IRGM: variants seen among roughly 807,000 people sequenced by gnomAD.
The protein encoded by IRGM is immunity-related GTPase family M protein.
For synonymous variants in IRGM, 98 were observed against 80.6 expected (o/e 1.22, Z -1.16); for missense variants, 288 against 219.9 (o/e 1.31, Z -1.96).
chr5:150,886,483 T>C (rs994700559), intron 3 of IRGM, among the ~76,000 whole-genome samples: 5 of 152,058 alleles, frequency 3.3e-5, no homozygotes, highest in East Asian at 3.9e-4. Flanking sequence ...GGTACCAGCT[T>C]TTCATTGTAC....
downstream of IRGM, chr5:150,848,733 G>A (rs1246602659): frequency 1.6e-5 from 19 of 1,213,572 alleles, no homozygotes; most frequent in East Asian, 2.6e-5. Context: ...TTATTTCACT[G>A]GACTCATTGA....
intron 3 of IRGM, among the ~76,000 whole-genome samples, chr5:150,884,957 T>G (rs1754496029): frequency 6.6e-6 from 1 of 152,164 alleles, no homozygotes; most frequent in Non-Finnish European, 1.5e-5. Flanking sequence ...TTGTCATGAT[T>G]GCTTTTGGTG....
chr5:150,868,440 G>T (rs1754236593), intron 1 of IRGM, among the ~76,000 whole-genome samples: 1 of 152,078 alleles, frequency 6.6e-6, no homozygotes, highest in Non-Finnish European at 1.5e-5. Context: ...GCTTAGTATT[G>T]CTTTGGCTGT....
intron 1 of IRGM, among the ~76,000 whole-genome samples, chr5:150,872,712 G>T (rs1754303081): frequency 6.6e-6 from 1 of 152,124 alleles, no homozygotes; most frequent in Admixed American, 6.6e-5. Flanking sequence ...CTAATTGTTG[G>T]TTTGCTTGGT....
intron 3 of IRGM, among the ~76,000 whole-genome samples, chr5:150,887,306 A>G (rs1444710805): frequency 6.6e-6 from 1 of 152,030 alleles, no homozygotes; most frequent in Non-Finnish European, 1.5e-5. Flanking sequence ...ATCACAAGTA[A>G]TAACAACAGA....
intron 1 of IRGM, among the ~76,000 whole-genome samples, chr5:150,865,660 A>G (rs958187966): frequency 6.6e-6 from 1 of 152,240 alleles, no homozygotes; most frequent in African/African-American, 2.4e-5. Flanking sequence ...TCAGCAACCA[A>G]CAAATATTAA....
chr5:150,902,005 A>C (rs1223719811), downstream of IRGM, among the ~76,000 whole-genome samples: 2 of 152,196 alleles, frequency 1.3e-5, no homozygotes, highest in East Asian at 3.8e-4. Context: ...GTACTTCTAC[A>C]TATAAACTGT....
intron 1 of IRGM, among the ~76,000 whole-genome samples, chr5:150,854,248 ATCTT>A (rs1400712714): frequency 6.6e-6 from 1 of 152,082 alleles, no homozygotes; most frequent in Non-Finnish European, 1.5e-5. Flanking sequence ...TCAAAAATCA[ATCTT>A]TATATATGTT....
intron 1 of IRGM, among the ~76,000 whole-genome samples, chr5:150,870,374 T>C (rs978671727): frequency 1.3e-5 from 2 of 152,118 alleles, no homozygotes; most frequent in African/African-American, 2.4e-5. Flanking sequence ...ATATCAGTGC[T>C]TGGTACCAGC....
chr5:150,896,689 A>G, intron 3 of IRGM: 1 of 1,613,520 alleles, frequency 6.2e-7, no homozygotes, highest in Non-Finnish European at 8.5e-7. Context: ...TATTTATGGA[A>G]TCTCTGTATT....
Position 150,846,843 on chromosome 5 carries a change from G to C in IRGM, c.-793G>C, listed in dbSNP as rs1753868249. On this transcript the variant is annotated 5_prime_UTR_variant, in exon 1 of 2. Coordinates refer to ENST00000522154, the MANE Select transcript of IRGM (RefSeq NM_001145805.2). ...CAAACATCAGAAGGAACAAACTCCG[G>C]ACACGCAGCCTTTAAGAATTGTAAC... 1 of 153,198 alleles carries C rather than the reference G, an allele frequency of 6.5e-6. No individual in the cohort carries two copies. The allele number at this position is 153,198 out of a possible 1,614,324, so 9.5% of individuals were successfully genotyped here. A position where few individuals can be genotyped will look rare whatever the true frequency, so the allele number is the denominator to read the frequency against.
chr5:150,896,349 T>C (rs774263988), intron 3 of IRGM: 7 of 1,613,656 alleles, frequency 4.3e-6, no homozygotes, highest in Non-Finnish European at 5.1e-6. Flanking sequence ...ACCACAATCA[T>C]ATGGTTTCTT....
intron 1 of IRGM, among the ~76,000 whole-genome samples, chr5:150,863,051 A>C (rs532728301): frequency 6.6e-6 from 1 of 152,348 alleles, no homozygotes; most frequent in South Asian, 2.1e-4. Context: ...AAAACAGTAG[A>C]GACATGGAAT....
At chr5:150,896,726 A>G (rs142975240) in intron 3 of IRGM, 18 of 1,613,598 alleles carry the variant, frequency 1.1e-5, no homozygotes, top group Non-Finnish European at 1.5e-5. Flanking sequence ...TGCACTCTTG[A>G]AATATTTTCC....
At chr5:150,855,051 A>G (rs1000241179) in intron 1 of IRGM, among the ~76,000 whole-genome samples, 6 of 152,014 alleles carry the variant, frequency 3.9e-5, no homozygotes, top group East Asian at 1.9e-4. Flanking sequence ...ATTTTTTTCT[A>G]TGAATGAACA....
At chr5:150,868,521 A>G (rs1397487590) in intron 1 of IRGM, among the ~76,000 whole-genome samples, 1 of 152,084 alleles carries the variant, frequency 6.6e-6, no homozygotes, top group Non-Finnish European at 1.5e-5. Context: ...TGATGATGGT[A>G]TTTTGATGGG....
chr5:150,862,603 C>T lies in IRGM; in HGVS notation c.158+13949C>T, dbSNP rs138948002. Among the ~76,000 whole-genome samples, 5 of 152,304 alleles carry T rather than the reference C, an allele frequency of 3.3e-5. No homozygotes were observed. The East Asian group carries it at 9.6e-4, about 29-fold the overall frequency. On this transcript the variant is annotated intron_variant and NMD_transcript_variant, in intron 1 of 3. Coordinates refer to the IRGM transcript ENST00000520549. Reference sequence around the variant, plus strand: ...GATCTGCCACCTTCTCTTTTATTCTCTCCCCAAGCAAGTTCTTAGATATTC... The same window carrying T: ...GATCTGCCACCTTCTCTTTTATTCTTTCCCCAAGCAAGTTCTTAGATATTC...
At chr5:150,881,908 C>T (rs1308428087) in intron 3 of IRGM, among the ~76,000 whole-genome samples, 1 of 152,096 alleles carries the variant, frequency 6.6e-6, no homozygotes, top group Non-Finnish European at 1.5e-5. Flanking sequence ...ATCAGCGAGG[C>T]ACAGTGGCTC....
downstream of IRGM, among the ~76,000 whole-genome samples, chr5:150,851,244 G>A (rs1753970139): frequency 6.6e-6 from 1 of 152,128 alleles, no homozygotes; most frequent in African/African-American, 2.4e-5. Context: ...GGTCTTGAAG[G>A]GAAGATGGAG....
Sources: allele counts gnomAD v4.1 joint callset (sites outside exome capture counted in the v4.1 genomes callset), GRCh38; gene constraint gnomAD v4.1.1; transcripts MANE v1.5; gene names NCBI Gene and HGNC (gene_info 2026-07-23, HGNC 2026-07-21).